The following PDE1A variants were observed in gnomAD, a reference collection of about 807,000 sequenced individuals.
The protein encoded by PDE1A is phosphodiesterase 1A.
PDE1A carries 35 observed loss-of-function variants against 61.7 expected under a neutral mutation model. The ratio of observed to expected loss-of-function variants is 0.57; its 90% confidence interval spans 0.43 to 0.75. The LOEUF (loss-of-function observed/expected upper bound fraction) is 0.75, where lower values mean the gene tolerates loss of function less well. PDE1A is among the 30% of genes least tolerant of loss of function. The pLI, the probability that PDE1A is intolerant of heterozygous loss-of-function variation, is 0.00. For synonymous variants in PDE1A, 232 were observed against 213.2 expected (o/e 1.09, Z -0.77); for missense variants, 597 against 630.6 (o/e 0.95, Z 0.57).
chr2:182,622,971 C>T, the PDE1A span, among the ~76,000 whole-genome samples: 1 of 152,058 alleles, frequency 6.6e-6, no homozygotes, highest in Non-Finnish European at 1.5e-5. Flanking sequence ...CAACACCACC[C>T]AAAAGAGGAT....
the PDE1A span, among the ~76,000 whole-genome samples, chr2:182,637,975 A>C: frequency 6.6e-6 from 1 of 152,172 alleles, no homozygotes; most frequent in Non-Finnish European, 1.5e-5. Context: ...CGGAACTATC[A>C]CAGACGGGAA....
chr2:182,615,498 T>A, the PDE1A span, among the ~76,000 whole-genome samples: 89 of 152,362 alleles, frequency 5.8e-4, no homozygotes, highest in Admixed American at 2.1e-3. Context: ...TGTCATTAGA[T>A]GCTAAATTAG....
chr2:182,708,630 A>G, the PDE1A span, among the ~76,000 whole-genome samples: 2 of 152,002 alleles, frequency 1.3e-5, no homozygotes, highest in Admixed American at 1.3e-4. Context: ...ACAGAACAGC[A>G]TGGGGGAAAC....
At chr2:182,557,123 T>A in the PDE1A span, among the ~76,000 whole-genome samples, 1 of 151,662 alleles carries the variant, frequency 6.6e-6, no homozygotes, top group Admixed American at 6.6e-5. Flanking sequence ...GGCAAAACCC[T>A]GTCTCTACTA....
chr2:182,397,888 G>A (rs771921445), intron 1 of PDE1A, among the ~76,000 whole-genome samples: 49 of 151,980 alleles, frequency 3.2e-4, no homozygotes, highest in Non-Finnish European at 6.8e-4. Context: ...AACAGTCTCC[G>A]CACTTACAAT....
At chr2:182,229,157 T>C (rs1000942280) in intron 6 of PDE1A, among the ~76,000 whole-genome samples, 1 of 152,156 alleles carries the variant, frequency 6.6e-6, no homozygotes, top group Non-Finnish European at 1.5e-5. Context: ...AGTAGACTTT[T>C]ATTTGGCTCC....
chr2:182,271,061 A>G (rs1394539692), intron 1 of PDE1A, among the ~76,000 whole-genome samples: 1 of 151,866 alleles, frequency 6.6e-6, no homozygotes, highest in Non-Finnish European at 1.5e-5. Flanking sequence ...AATTTCTATA[A>G]TTGAACACAA....
At chr2:182,168,383 AT>A (rs1468527595) in intron 13 of PDE1A, 1 of 1,148,444 alleles carries the variant, frequency 8.7e-7, no homozygotes, top group African/African-American at 1.6e-5. Context: ...ATAATCAGCC[AT>A]GATTGTAAAA....
At chr2:182,405,207 A>G (rs1232943312) in intron 1 of PDE1A, among the ~76,000 whole-genome samples, 1 of 152,218 alleles carries the variant, frequency 6.6e-6, no homozygotes, top group African/African-American at 2.4e-5. Context: ...GACCGTACAT[A>G]TATGACTCAG....
At chr2:182,343,357 A>G (rs1698318446) in intron 1 of PDE1A, among the ~76,000 whole-genome samples, 2 of 152,218 alleles carry the variant, frequency 1.3e-5, no homozygotes, top group Non-Finnish European at 1.5e-5. Context: ...GATATACAGC[A>G]CTATACCAAC....
chr2:182,473,424 A>G (rs915762813), intron 2 of PDE1A, among the ~76,000 whole-genome samples: 1 of 151,878 alleles, frequency 6.6e-6, no homozygotes, highest in Non-Finnish European at 1.5e-5. Context: ...ACTCAAACAC[A>G]TTTACAAGAA....
chr2:182,665,631 G>C, the PDE1A span, among the ~76,000 whole-genome samples: 1 of 152,206 alleles, frequency 6.6e-6, no homozygotes, highest in East Asian at 1.9e-4. Context: ...ATGTAAATTA[G>C]TTCAACTATT....
At chr2:182,677,498 T>C in the PDE1A span, among the ~76,000 whole-genome samples, 2 of 152,210 alleles carry the variant, frequency 1.3e-5, no homozygotes, top group Admixed American at 6.6e-5. Flanking sequence ...TTCGATGTTA[T>C]TCCTATCAAA....
the PDE1A span, among the ~76,000 whole-genome samples, chr2:182,591,327 C>T: frequency 6.6e-6 from 1 of 152,150 alleles, no homozygotes; most frequent in Non-Finnish European, 1.5e-5. Flanking sequence ...GGCACAAAAA[C>T]AGTTAAGTCC....
chr2:182,403,409 C>T (rs911355681), intron 1 of PDE1A, among the ~76,000 whole-genome samples: 3 of 151,902 alleles, frequency 2.0e-5, no homozygotes, highest in Non-Finnish European at 4.4e-5. Flanking sequence ...ACCATCCTGG[C>T]TAACACGGTG....
intron 2 of PDE1A, among the ~76,000 whole-genome samples, chr2:182,457,065 T>C (rs940701939): frequency 3.3e-5 from 5 of 152,056 alleles, no homozygotes; most frequent in African/African-American, 1.2e-4. Context: ...CCAGACAGTC[T>C]GGACTGATTA....
At chr2:182,581,380 ACT>A in the PDE1A span, among the ~76,000 whole-genome samples, 1 of 152,030 alleles carries the variant, frequency 6.6e-6, no homozygotes, top group Non-Finnish European at 1.5e-5. Flanking sequence ...ATAGCTGCAG[ACT>A]CTCTCAGCAT....
At chr2:182,646,129 T>TA in the PDE1A span, among the ~76,000 whole-genome samples, 1 of 151,974 alleles carries the variant, frequency 6.6e-6, no homozygotes, top group East Asian at 1.9e-4. Flanking sequence ...GATAAGAATA[T>TA]AGGTTGGATT....
chr2:182,674,220 C>T, the PDE1A span, among the ~76,000 whole-genome samples: 1 of 151,944 alleles, frequency 6.6e-6, no homozygotes, highest in East Asian at 1.9e-4. Context: ...ATACACTAAA[C>T]CACTATGTGA....
Sources: gnomAD v4.1 joint callset for allele counts (sites outside exome capture counted in the v4.1 genomes callset) on GRCh38, gnomAD v4.1.1 for gene constraint, MANE v1.5 for transcripts, NCBI Gene and HGNC (gene_info 2026-07-23, HGNC 2026-07-21) for gene names.